FAR2: variants seen among roughly 807,000 people sequenced by gnomAD.
FAR2 encodes the protein epididymis secretory protein Li 81.
In FAR2, 19 loss-of-function variants were observed where a neutral mutation model predicts 56.0. The observed-to-expected ratio is 0.34, with a 90% confidence interval of 0.24 to 0.50. FAR2 has a LOEUF of 0.50. Among genes scored for constraint, FAR2 ranks in the 20% least tolerant of loss-of-function variants. The pLI is 0.98. For missense variants in FAR2, 508 were observed against 642.2 expected, an observed-to-expected ratio of 0.79 and a Z score of 2.26; for synonymous variants, 219 against 218.8, an observed-to-expected ratio of 1.00 and a Z score of -0.01.
At chr12:29,332,551 C>A (rs763195132) in intron 10 of FAR2, 49 bp from the exon 11 acceptor site, 1 of 1,607,642 alleles carries the variant, frequency 6.2e-7, no homozygotes, top group Admixed American at 1.7e-5. Context: ...GACAAAGTGA[C>A]TGTCCAGCAC....
chr12:29,267,680 A>C (rs1262545728), intron 1 of FAR2, among the ~76,000 whole-genome samples: 1 of 152,234 alleles, frequency 6.6e-6, no homozygotes, highest in Non-Finnish European at 1.5e-5. Flanking sequence ...ACATTATGTA[A>C]CATGACAAAA....
chr12:29,206,654 G>A (rs1947480196), intron 1 of FAR2, among the ~76,000 whole-genome samples: 2 of 152,216 alleles, frequency 1.3e-5, no homozygotes, highest in South Asian at 4.1e-4. Context: ...AAGACACACA[G>A]ACATTTAAGG....
chr12:29,270,231 G>C (rs534128702), intron 1 of FAR2, among the ~76,000 whole-genome samples, 181 bp from the exon 2 acceptor site: 6 of 152,320 alleles, frequency 3.9e-5, no homozygotes, highest in African/African-American at 1.4e-4. Context: ...CTAGCATGTA[G>C]AGAGAACTCA....
At chr12:29,326,487 G>T (rs1236311833) in intron 10 of FAR2, among the ~76,000 whole-genome samples, 1 of 152,146 alleles carries the variant, frequency 6.6e-6, no homozygotes, top group Non-Finnish European at 1.5e-5. Flanking sequence ...GATGAACATT[G>T]ATGCAAAAAT....
At chr12:29,243,731 C>T (rs1948078084) in intron 1 of FAR2, among the ~76,000 whole-genome samples, 1 of 152,128 alleles carries the variant, frequency 6.6e-6, no homozygotes, top group African/African-American at 2.4e-5. Flanking sequence ...CTGAAACTGC[C>T]ATCCCATTCA....
Position 29,307,846 on chromosome 12 carries a change from T to C in FAR2, c.723+11T>C, listed in dbSNP as rs1949278661. On this transcript the variant is annotated intron_variant, in intron 5 of 11. Coordinates refer to ENST00000536681, the MANE Select transcript of FAR2 (RefSeq NM_001271783.2). ...CAGGAGCCTTTCCCAGTAAGCCCAC[T>C]TACCTGGATTCTGTGTTTTGCTTCC... The C allele has an allele frequency of 6.2e-7, 1 of 1,601,590 alleles. No individual in the cohort carries two copies. Among genetic ancestry groups the C allele is most frequent in the South Asian group, 1.1e-5 (1 of 89,188 alleles).
At chr12:29,299,232 A>G (rs6487801) in intron 4 of FAR2, among the ~76,000 whole-genome samples, 34,640 of 134,304 alleles carry the variant, frequency 0.26, 4,776 homozygotes, top group East Asian at 0.3. Flanking sequence ...AAAAAAAAAA[A>G]AAAGAAAGAA....
At chr12:29,274,934 C>A (rs1167929798) in intron 2 of FAR2, among the ~76,000 whole-genome samples, 1 of 148,498 alleles carries the variant, frequency 6.7e-6, no homozygotes, top group Non-Finnish European at 1.5e-5. Context: ...GTTTGGTGGT[C>A]TCCTCAAATG....
At chr12:29,323,498 A>T (rs1358763109) in intron 10 of FAR2, among the ~76,000 whole-genome samples, 3 of 152,322 alleles carry the variant, frequency 2.0e-5, no homozygotes, top group African/African-American at 7.2e-5. Context: ...GGCACCCCCC[A>T]GTAGGGGCGG....
chr12:29,235,901 G>C (rs1362371559), intron 1 of FAR2, among the ~76,000 whole-genome samples: 2 of 152,162 alleles, frequency 1.3e-5, no homozygotes, highest in Non-Finnish European at 2.9e-5. Flanking sequence ...AAACCTAGGG[G>C]AGGAGGGGGG....
At chr12:29,311,217 A>G in intron 7 of FAR2, 71 bp downstream of exon 7, 2 of 1,045,780 alleles carry the variant, frequency 1.9e-6, no homozygotes, top group Non-Finnish European at 1.5e-6. Flanking sequence ...CCATTTTCCA[A>G]ATATAGGCAT....
At chr12:29,300,629 A>AGCT (rs1555121746) in intron 4 of FAR2, among the ~76,000 whole-genome samples, 1 of 150,100 alleles carries the variant, frequency 6.7e-6, no homozygotes, top group African/African-American at 2.4e-5. Context: ...CCTGGGGGAA[A>AGCT]GTTGTTGTTG....
At chr12:29,272,789 G>A in intron 2 of FAR2, among the ~76,000 whole-genome samples, 1 of 152,148 alleles carries the variant, frequency 6.6e-6, no homozygotes, top group South Asian at 2.1e-4. Context: ...TTCAGTCTTT[G>A]AGGCTGCTGA....
At chr12:29,300,129 G>A (rs1266127337) in intron 4 of FAR2, among the ~76,000 whole-genome samples, 2 of 152,190 alleles carry the variant, frequency 1.3e-5, no homozygotes, top group Admixed American at 1.3e-4. Flanking sequence ...TGTTTTGACT[G>A]TTTTTGTTTG....
chr12:29,201,857 T>A (rs1947418371), intron 1 of FAR2, among the ~76,000 whole-genome samples: 1 of 152,224 alleles, frequency 6.6e-6, no homozygotes, highest in Non-Finnish European at 1.5e-5. Context: ...TGGCTAGTGG[T>A]TACTGTATTG....
chr12:29,155,131 A>G (rs1351126640), intron 1 of FAR2, among the ~76,000 whole-genome samples: 2 of 152,208 alleles, frequency 1.3e-5, no homozygotes, highest in Non-Finnish European at 2.9e-5. Context: ...CTTCTTTGGC[A>G]AGGTTCTGCA....
At chr12:29,280,800 G>A (rs2136724645) in intron 2 of FAR2, 1 of 152,344 alleles carries the variant, frequency 6.6e-6, no homozygotes, top group South Asian at 2.1e-4. Context: ...TCATGTGGAA[G>A]GTTTTTGTGG....
At chr12:29,253,177 A>C (rs1948241479) in intron 1 of FAR2, among the ~76,000 whole-genome samples, 1 of 137,426 alleles carries the variant, frequency 7.3e-6, no homozygotes, top group Admixed American at 7.2e-5. Context: ...TTCTCTCCCT[A>C]TCTCTCTCTC....
chr12:29,174,318 G>A (rs913935512), intron 1 of FAR2, among the ~76,000 whole-genome samples: 4 of 151,420 alleles, frequency 2.6e-5, no homozygotes, highest in African/African-American at 7.3e-5. Flanking sequence ...TCTGATTGAT[G>A]AGCCCGGGTG....
Sources: allele counts gnomAD v4.1 joint callset (sites outside exome capture counted in the v4.1 genomes callset), GRCh38; gene constraint gnomAD v4.1.1; transcripts MANE v1.5; gene names NCBI Gene and HGNC (gene_info 2026-07-23, HGNC 2026-07-21).